The following ELOVL4 variants were observed in gnomAD, a reference collection of about 807,000 sequenced individuals.
ELOVL4 encodes the protein ELOVL fatty acid elongase 4, also known as very long chain fatty acid elongase 4.
In ELOVL4, 18 loss-of-function variants were observed where a neutral mutation model predicts 42.1. That is an observed-to-expected ratio of 0.43 (90% CI 0.30 to 0.63). ELOVL4 has a LOEUF of 0.63. ELOVL4 is among the 30% of genes least tolerant of loss of function. ELOVL4 has a pLI of 0.15. For synonymous variants in ELOVL4, 117 were observed against 127.0 expected (o/e 0.92, Z 0.53); for missense variants, 299 against 376.2 (o/e 0.79, Z 1.70).
At chr6:79,937,607 T>A (rs1020440668) in intron 1 of ELOVL4, among the ~76,000 whole-genome samples, 1 of 151,854 alleles carries the variant, frequency 6.6e-6, no homozygotes, top group East Asian at 1.9e-4. Context: ...CTGGACACAG[T>A]GCCTGACACT....
intron 1 of ELOVL4, among the ~76,000 whole-genome samples, chr6:79,937,701 TA>T (rs1229114070): frequency 3.3e-5 from 5 of 152,196 alleles, no homozygotes; most frequent in Non-Finnish European, 5.9e-5. Flanking sequence ...TATGTTGCAT[TA>T]TAAAAAGGTC....
chr6:79,916,638 C>T lies in ELOVL4; in HGVS notation c.915G>A (p.Lys305=). The change falls in exon 6 of 6, where the codon AAG becomes AAA. Residue 305 remains lysine, a synonymous_variant. Coordinates refer to ENST00000369816, the MANE Select transcript of ELOVL4 (RefSeq NM_022726.4). ...EKQLMIENGK[K]QKNGKAKGD is the part of the protein sequence containing the mutation. ...CTCCTTTTGCTTTTCCATTTTTCTG[C>T]TTTTTTCCATTTTCTATCATGAGTT... The T allele has an allele frequency of 6.2e-7, 1 of 1,614,072 alleles. No homozygotes were observed. The highest frequency in any genetic ancestry group is 8.5e-7 in the Non-Finnish European group (1 of 1,180,008).
At chr6:79,939,247 T>G (rs1484514742) in intron 1 of ELOVL4, among the ~76,000 whole-genome samples, 1 of 152,168 alleles carries the variant, frequency 6.6e-6, no homozygotes, top group African/African-American at 2.4e-5. Context: ...CTACAGGTGC[T>G]AATGTATTAA....
intron 5 of ELOVL4, among the ~76,000 whole-genome samples, chr6:79,917,103 C>T (rs1774175820): frequency 6.6e-6 from 1 of 151,010 alleles, no homozygotes; most frequent in African/African-American, 2.5e-5. Context: ...TTGGCCCTCC[C>T]AATCCCATTA....
intron 1 of ELOVL4, among the ~76,000 whole-genome samples, chr6:79,929,977 C>T (rs1198486874): frequency 1.3e-5 from 2 of 152,174 alleles, no homozygotes; most frequent in Non-Finnish European, 2.9e-5. Flanking sequence ...TATTCTCTAT[C>T]CTTTCTGCCA....
intron 5 of ELOVL4, among the ~76,000 whole-genome samples, chr6:79,917,542 A>C (rs962890746): frequency 6.6e-6 from 1 of 152,240 alleles, no homozygotes; most frequent in Non-Finnish European, 1.5e-5. Context: ...TTTGATGGCC[A>C]GGTGCGATGG....
At position 79,915,721 on chromosome 6, in the gene ELOVL4, A is replaced by AGCC. The variant is rs1399552309; in HGVS notation, c.*884_*886dup. The AGCC allele has an allele frequency of 6.6e-6, 1 of 152,618 alleles. No individual in the cohort carries two copies. The highest frequency in any genetic ancestry group is 1.9e-4 in the East Asian group (1 of 5,196). 9.5% of individuals were successfully genotyped at this position (152,618 alleles called of 1,614,324 possible). A position where few individuals can be genotyped will look rare whatever the true frequency, so the allele number is the denominator to read the frequency against. On this transcript the variant is annotated 3_prime_UTR_variant, in exon 6 of 6. Coordinates refer to ENST00000369816, the MANE Select transcript of ELOVL4 (RefSeq NM_022726.4). Reference sequence around the variant, plus strand: ...TTTCCACATATGAAAAATCAGGAACAGCCATAAATCAAAACAAGGAAAGCC... The same window carrying AGCC: ...TTTCCACATATGAAAAATCAGGAACAGCCGCCATAAATCAAAACAAGGAAAGCC...
At chr6:79,935,884 A>C (rs1337132177) in intron 1 of ELOVL4, among the ~76,000 whole-genome samples, 1 of 152,204 alleles carries the variant, frequency 6.6e-6, no homozygotes, top group African/African-American at 2.4e-5. Context: ...AGTAGAGTCC[A>C]TGCACCAGCA....
At chr6:79,932,273 G>T (rs1774458723) in intron 1 of ELOVL4, among the ~76,000 whole-genome samples, 2 of 152,198 alleles carry the variant, frequency 1.3e-5, no homozygotes. Context: ...GGGTGCAGTG[G>T]CTCACGCCTG....
At chr6:79,923,625 C>A (rs343623) in intron 3 of ELOVL4, among the ~76,000 whole-genome samples, 42,331 of 151,962 alleles carry the variant, frequency 0.28, 7,954 homozygotes, top group African/African-American at 0.54. Context: ...TCTCAGTCAC[C>A]TTCTAGGTTT....
chr6:79,921,751 ACTC>A lies in ELOVL4; in HGVS notation c.412_414del (p.Glu138del). On this transcript the variant is annotated inframe_deletion, in exon 4 of 6. Coordinates refer to ENST00000369816, the MANE Select transcript of ELOVL4 (RefSeq NM_022726.4). ...AGAATAAAAAACACTGTGTCCAAAT[ACTC>A]AACTCCTTTAGATACAAAGTACCAC... The A allele has an allele frequency of 6.2e-7, 1 of 1,614,086 alleles. No homozygotes were observed. Among genetic ancestry groups the A allele is most frequent in the Non-Finnish European group, 8.5e-7 (1 of 1,180,002 alleles).
At chr6:79,935,936 A>G (rs1050031994) in intron 1 of ELOVL4, among the ~76,000 whole-genome samples, 31 of 152,270 alleles carry the variant, frequency 2.0e-4, no homozygotes, top group African/African-American at 6.7e-4. Flanking sequence ...GCAGAATCTC[A>G]GGCCTCACCC....
At chr6:79,944,413 T>C (rs1048181863) in intron 1 of ELOVL4, among the ~76,000 whole-genome samples, 9 of 152,198 alleles carry the variant, frequency 5.9e-5, no homozygotes, top group Non-Finnish European at 1.0e-4. Flanking sequence ...CCAACGCTAA[T>C]TTCCTCGTTC....
chr6:79,940,485 A>G (rs963915829), intron 1 of ELOVL4, among the ~76,000 whole-genome samples: 14 of 152,238 alleles, frequency 9.2e-5, no homozygotes, highest in Non-Finnish European at 1.9e-4. Context: ...ATCTTAAGCC[A>G]TACTTCCAAA....
At chr6:79,944,009 A>C (rs1774694923) in intron 1 of ELOVL4, among the ~76,000 whole-genome samples, 1 of 152,346 alleles carries the variant, frequency 6.6e-6, no homozygotes, top group South Asian at 2.1e-4. Flanking sequence ...TGTGAACAAC[A>C]GCTATTTAGA....
intron 1 of ELOVL4, among the ~76,000 whole-genome samples, chr6:79,942,660 C>A (rs570477402): frequency 1.2e-4 from 18 of 152,300 alleles, no homozygotes; most frequent in African/African-American, 4.3e-4. Flanking sequence ...AAAACTTTGT[C>A]TTCCTAAGCC....
chr6:79,918,313 G>T (rs1774193392), intron 5 of ELOVL4, among the ~76,000 whole-genome samples: 1 of 152,152 alleles, frequency 6.6e-6, no homozygotes, highest in Non-Finnish European at 1.5e-5. Context: ...AAAAGGGTGT[G>T]TATAAGGGTG....
intron 1 of ELOVL4, among the ~76,000 whole-genome samples, chr6:79,933,383 A>G (rs1193985429): frequency 1.3e-5 from 2 of 152,118 alleles, no homozygotes; most frequent in African/African-American, 4.8e-5. Flanking sequence ...GGTGCATGCC[A>G]CAACACCCAG....
intron 1 of ELOVL4, among the ~76,000 whole-genome samples, chr6:79,939,625 G>C (rs1051831531): frequency 3.9e-5 from 6 of 151,986 alleles, no homozygotes; most frequent in Non-Finnish European, 8.8e-5. Context: ...CCAGGTTCAA[G>C]TGATCCTTCT....
Sources: allele counts gnomAD v4.1 joint callset (sites outside exome capture counted in the v4.1 genomes callset), GRCh38; gene constraint gnomAD v4.1.1; transcripts MANE v1.5; gene names NCBI Gene and HGNC (gene_info 2026-07-23, HGNC 2026-07-21).